RIC3: variants seen among roughly 807,000 people sequenced by gnomAD.
The protein encoded by RIC3 is RIC3 acetylcholine receptor chaperone.
In RIC3, 28 loss-of-function variants were observed where a neutral mutation model predicts 27.3. The observed-to-expected ratio is 1.02, with a 90% CI of 0.76 to 1.41. The LOEUF (loss-of-function observed/expected upper bound fraction) is 1.41. Among genes scored for constraint, RIC3 ranks in the 40% most tolerant of loss-of-function variants. The probability of loss-of-function intolerance (pLI) is 0.00; values close to 1 mark genes in which losing one functional copy is unlikely to be tolerated. For missense variants in RIC3, 501 were observed against 444.7 expected (o/e 1.13, Z -1.14); for synonymous variants, 184 against 160.4 (o/e 1.15, Z -1.11).
At chr11:8,137,499 C>T in intron 3 of RIC3, 28 bp from the exon 4 acceptor site, 1 of 1,589,168 alleles carries the variant, frequency 6.3e-7, no homozygotes, top group Non-Finnish European at 8.6e-7. Flanking sequence ...ATCTAAGAAC[C>T]ATCAGAGACA....
chr11:8,119,548 G>C (rs139621355), intron 5 of RIC3, among the ~76,000 whole-genome samples: 2,728 of 152,230 alleles, frequency 0.018, 82 homozygotes, highest in African/African-American at 0.061. Context: ...ATTAATTCAA[G>C]ATGGATTAAA....
intron 1 of RIC3, among the ~76,000 whole-genome samples, chr11:8,147,161 C>T (rs1035271570): frequency 6.6e-6 from 1 of 152,228 alleles, no homozygotes; most frequent in Admixed American, 6.5e-5. Flanking sequence ...TTGAGTCTTC[C>T]TGCCTTTGCT....
chr11:8,148,357 C>T (rs2134061566), intron 1 of RIC3, among the ~76,000 whole-genome samples: 1 of 152,292 alleles, frequency 6.6e-6, no homozygotes, highest in South Asian at 2.1e-4. Flanking sequence ...ATGATGAGTA[C>T]TGGCTTTGGC....
At chr11:8,126,011 C>T (rs1711899051) in intron 5 of RIC3, among the ~76,000 whole-genome samples, 1 of 152,152 alleles carries the variant, frequency 6.6e-6, no homozygotes, top group African/African-American at 2.4e-5. Flanking sequence ...AAACTCCAGC[C>T]TGGGCGACAA....
intron 4 of RIC3, among the ~76,000 whole-genome samples, chr11:8,127,117 T>G (rs1313847470): frequency 6.6e-6 from 1 of 152,184 alleles, no homozygotes; most frequent in African/African-American, 2.4e-5. Flanking sequence ...TTTCAGGGTA[T>G]GTCAATGCCC....
chr11:8,114,341 C>T (rs772118980), intron 5 of RIC3, among the ~76,000 whole-genome samples: 5 of 152,082 alleles, frequency 3.3e-5, no homozygotes, highest in Non-Finnish European at 5.9e-5. Flanking sequence ...TGATGGCTCA[C>T]GCTTGTAATC....
chr11:8,154,083 A>G (rs539489739), intron 1 of RIC3, among the ~76,000 whole-genome samples: 8 of 152,346 alleles, frequency 5.3e-5, no homozygotes, highest in Admixed American at 5.2e-4. Flanking sequence ...ACATTTGGAA[A>G]TTTCTAGTGG....
downstream of RIC3, chr11:8,104,366 CTCTTCTCCAAG>C (rs1335814412): frequency 6.6e-6 from 1 of 152,320 alleles, no homozygotes; most frequent in African/African-American, 2.4e-5. Context: ...ACTTCCCCAA[CTCTTCTCCAAG>C]TCTAGCTTTC....
At chr11:8,117,687 A>G (rs2133427782) in intron 5 of RIC3, among the ~76,000 whole-genome samples, 1 of 152,330 alleles carries the variant, frequency 6.6e-6, no homozygotes, top group East Asian at 1.9e-4. Flanking sequence ...AACAGAGTAC[A>G]TTTTAAGTGT....
chr11:8,158,692 C>T (rs1164907966), intron 1 of RIC3, among the ~76,000 whole-genome samples: 1 of 142,500 alleles, frequency 7.0e-6, no homozygotes, highest in African/African-American at 2.6e-5. Context: ...AAGTAGGAAT[C>T]GTGTAGCACA....
chr11:8,101,856 G>GGCGTC, downstream of RIC3: 1 of 482,864 alleles, frequency 2.1e-6, no homozygotes, highest in Non-Finnish European at 3.4e-6. Flanking sequence ...TTCTTTCCAT[G>GGCGTC]CCACGAGATC....
chr11:8,148,954 G>T (rs1257008741), intron 1 of RIC3, among the ~76,000 whole-genome samples: 1 of 150,184 alleles, frequency 6.7e-6, no homozygotes, highest in African/African-American at 2.5e-5. Context: ...GCTTAGGCGG[G>T]CAGATCACGA....
At chr11:8,123,491 G>C (rs780623565) in intron 5 of RIC3, among the ~76,000 whole-genome samples, 37 of 152,140 alleles carry the variant, frequency 2.4e-4, no homozygotes, top group Non-Finnish European at 8.8e-5. Flanking sequence ...CCTCTGGGCA[G>C]CTTGATCAGG....
chr11:8,155,107 G>A (rs1272355926), intron 1 of RIC3, among the ~76,000 whole-genome samples: 10 of 151,400 alleles, frequency 6.6e-5, no homozygotes, highest in Non-Finnish European at 8.8e-5. Context: ...TGTAGTCCCA[G>A]CTACTCAGGA....
rs560218673 is a variant in RIC3, at chr11:8,137,570, C to T, written c.428-99G>A. On this transcript the variant is annotated intron_variant, in intron 3 of 5. Transcript: ENST00000309737. ...AAAAAGCTATTGTACTGTCTAACTT[C>T]CCATTACTATCTCATTGAAGAACAC... is the stretch of plus-strand genomic sequence containing the variant. The T allele has an allele frequency of 7.9e-6, 6 of 757,546 alleles. No homozygotes were observed. In the Admixed American group the frequency reaches 1.5e-4, roughly 19 times the overall value. 46.9% of individuals were successfully genotyped at this position (757,546 alleles called of 1,614,324 possible).
downstream of RIC3, chr11:8,101,901 TGTA>T (rs1944324748): frequency 2.3e-6 from 1 of 432,958 alleles, no homozygotes; most frequent in Non-Finnish European, 4.1e-6. Context: ...AGTAGTGTGT[TGTA>T]GTCGTACTTA....
intron 1 of RIC3, among the ~76,000 whole-genome samples, chr11:8,149,073 G>C (rs1216686645): frequency 6.6e-6 from 1 of 150,438 alleles, no homozygotes; most frequent in African/African-American, 2.4e-5. Context: ...GGCACCTGTA[G>C]TCCCAGCTAT....
At chr11:8,099,873 A>G in the RIC3 span, among the ~76,000 whole-genome samples, 176 of 152,312 alleles carry the variant, frequency 1.2e-3, no homozygotes, top group African/African-American at 4.1e-3. Flanking sequence ...GGCATGAAGA[A>G]GGAATGGAGT....
chr11:8,153,610 A>G (rs1950426446), intron 1 of RIC3, among the ~76,000 whole-genome samples: 1 of 151,980 alleles, frequency 6.6e-6, no homozygotes, highest in Non-Finnish European at 1.5e-5. Context: ...CCCTTCCCCA[A>G]TACTTTGTCT....
Sources: gnomAD v4.1 joint callset for allele counts (sites outside exome capture counted in the v4.1 genomes callset) on GRCh38, gnomAD v4.1.1 for gene constraint, MANE v1.5 for transcripts, NCBI Gene and HGNC (gene_info 2026-07-23, HGNC 2026-07-21) for gene names.